The following FHIT variants were observed in gnomAD, a reference collection of about 807,000 sequenced individuals.
FHIT encodes the protein bis(5'-adenosyl)-triphosphatase.
In FHIT, 19 loss-of-function variants were observed where a neutral mutation model predicts 17.9. The ratio of observed to expected loss-of-function variants is 1.06; its 90% confidence interval spans 0.74 to 1.56. The LOEUF (loss-of-function observed/expected upper bound fraction) is 1.56. FHIT is among the 40% of genes most tolerant of loss of function. The pLI is 0.00. For missense variants in FHIT, 248 were observed against 189.2 expected (o/e 1.31, Z -1.82); for synonymous variants, 81 against 69.7 (o/e 1.16, Z -0.81).
chr3:61,160,374 T>G (rs987917931), intron 2 of FHIT, among the ~76,000 whole-genome samples: 3 of 152,180 alleles, frequency 2.0e-5, no homozygotes, highest in African/African-American at 7.2e-5. Flanking sequence ...AATAAATGTA[T>G]TTGTTTCTTT....
chr3:60,722,321 T>C (rs1157893563), intron 4 of FHIT, among the ~76,000 whole-genome samples: 5 of 152,226 alleles, frequency 3.3e-5, no homozygotes, highest in African/African-American at 1.2e-4. Context: ...GGAGAATTTC[T>C]CATTTTCAGG....
chr3:60,718,174 T>C (rs1324452877), intron 4 of FHIT, among the ~76,000 whole-genome samples: 2 of 150,850 alleles, frequency 1.3e-5, no homozygotes, highest in Non-Finnish European at 2.9e-5. Context: ...TTTTATCTTA[T>C]GCAAGATTCT....
intron 3 of FHIT, among the ~76,000 whole-genome samples, chr3:60,955,609 T>TATATATACATATATATATATATAC (rs1559862241): frequency 0.057 from 522 of 9,112 alleles, 29 homozygotes; most frequent in African/African-American, 0.085. Flanking sequence ...TATATATATA[T>TATATATACATATATATATATATAC]ATATATATAT....
chr3:59,963,177 G>A (rs190654767), intron 7 of FHIT, among the ~76,000 whole-genome samples: 1,568 of 152,134 alleles, frequency 0.01, 32 homozygotes, highest in African/African-American at 0.036. Context: ...TGAGGCAGCA[G>A]AATGGCGTGA....
At chr3:59,960,927 G>A (rs114962333) in intron 7 of FHIT, among the ~76,000 whole-genome samples, 41 of 152,260 alleles carry the variant, frequency 2.7e-4, no homozygotes, top group Admixed American at 8.5e-4. Context: ...TCCTGACAGC[G>A]AACCCAGCAA....
At chr3:60,664,310 A>G (rs2040331654) in intron 4 of FHIT, among the ~76,000 whole-genome samples, 1 of 152,056 alleles carries the variant, frequency 6.6e-6, no homozygotes, top group Admixed American at 6.5e-5. Context: ...AACCTTACAT[A>G]CCTGGCATAT....
intron 5 of FHIT, among the ~76,000 whole-genome samples, chr3:60,223,089 C>A (rs17062510): frequency 0.3 from 45,285 of 151,942 alleles, 7,004 homozygotes; most frequent in African/African-American, 0.36. Flanking sequence ...TCTCCTCCAA[C>A]ATTTGGGAAA....
Position 60,536,982 on chromosome 3 carries a change from A to G in FHIT, c.-17-3T>C, listed in dbSNP as rs1044510802. ...CGACATGTCCTCACAGTTGAAGTCT[A>G]AAAGAAAAGACAATGGATAGTTATA... On this transcript the variant is annotated splice_region_variant and splice_polypyrimidine_tract_variant and intron_variant, in intron 4 of 9. Transcript: ENST00000492590. 14 of 1,595,788 alleles carry G rather than the reference A, an allele frequency of 8.8e-6. No individual in the cohort carries two copies. Among genetic ancestry groups the G allele is most frequent in the Middle Eastern group, 1.7e-4 (1 of 5,972 alleles).
intron 8 of FHIT, among the ~76,000 whole-genome samples, chr3:59,799,798 T>C (rs983351046): frequency 6.6e-6 from 1 of 152,180 alleles, no homozygotes; most frequent in Admixed American, 6.5e-5. Flanking sequence ...TATCAGAAAA[T>C]TGATCTATAA....
intron 8 of FHIT, among the ~76,000 whole-genome samples, chr3:59,854,982 A>G (rs978412231): frequency 3.9e-5 from 6 of 152,196 alleles, no homozygotes; most frequent in African/African-American, 1.4e-4. Context: ...TGATTACTAA[A>G]AAGACTTTGG....
intron 3 of FHIT, among the ~76,000 whole-genome samples, chr3:60,929,490 A>G (rs1312650263): frequency 6.6e-6 from 1 of 152,212 alleles, no homozygotes; most frequent in African/African-American, 2.4e-5. Flanking sequence ...AATCTCCTTA[A>G]GCTGATAGGC....
Position 61,073,707 on chromosome 3 carries a change from G to A in FHIT, c.-163-31608C>T, listed in dbSNP as rs183325699. ...TAGCCATCCCAGAATGTTGCACTCA[G>A]TAAGAAGGGCTAACAGTGTCCTGCT... is the stretch of plus-strand genomic sequence containing the variant. On this transcript the variant is annotated intron_variant, in intron 2 of 9. Transcript: ENST00000492590. Among the ~76,000 whole-genome samples, 264 of 152,244 alleles carry A rather than the reference G, an allele frequency of 1.7e-3. 1 individual carries two copies. Among genetic ancestry groups the A allele is most frequent in the Middle Eastern group, 3.4e-3 (1 of 294 alleles).
rs1447074971 is a variant in FHIT at position 61,011,975 on chromosome 3, C to T, written c.-111+30072G>A. On this transcript the variant is annotated intron_variant, in intron 3 of 9. Coordinates refer to ENST00000492590, the MANE Select transcript of FHIT (RefSeq NM_002012.4). The stretch of plus-strand genomic sequence containing the variant: ...CAAGTTGAAAGAAAGTAGGCCTGAC[C>T]TAGCTGATTGATTCAGCAAATAAGT... Among the ~76,000 whole-genome samples, 3 of 152,238 alleles carry T rather than the reference C, an allele frequency of 2.0e-5. No individual in the cohort carries two copies. In the East Asian group the frequency reaches 5.8e-4, roughly 29 times the overall value.
chr3:60,705,702 A>G (rs2107920836), intron 4 of FHIT, among the ~76,000 whole-genome samples: 1 of 152,296 alleles, frequency 6.6e-6, no homozygotes, highest in African/African-American at 2.4e-5. Flanking sequence ...GTGTATACAC[A>G]TATACACAAA....
At chr3:60,887,658 C>CA (rs1277435630) in intron 3 of FHIT, among the ~76,000 whole-genome samples, 17 of 149,904 alleles carry the variant, frequency 1.1e-4, no homozygotes, top group African/African-American at 2.2e-4. Context: ...AAACAAAAAA[C>CA]AAAAAAAAAG....
At chr3:60,258,858 T>C (rs77024979) in intron 5 of FHIT, among the ~76,000 whole-genome samples, 12,571 of 152,134 alleles carry the variant, frequency 0.083, 738 homozygotes, top group Non-Finnish European at 0.12. Context: ...GTTTGCTAAA[T>C]CTTCTTTGTG....
intron 3 of FHIT, among the ~76,000 whole-genome samples, chr3:60,837,920 A>C (rs2106847429): frequency 6.6e-6 from 1 of 152,258 alleles, no homozygotes; most frequent in South Asian, 2.1e-4. Context: ...CATTTATAAT[A>C]TAATTATTTT....
chr3:60,884,531 C>T (rs556317063), intron 3 of FHIT, among the ~76,000 whole-genome samples: 17 of 152,000 alleles, frequency 1.1e-4, no homozygotes, highest in South Asian at 2.1e-4. Context: ...AATACTATTC[C>T]GCTTATTTTA....
chr3:60,819,026 C>CTTTTT (rs1701833333), intron 4 of FHIT, among the ~76,000 whole-genome samples: 1 of 143,888 alleles, frequency 6.9e-6, no homozygotes, highest in Non-Finnish European at 1.5e-5. Flanking sequence ...TTTTTCTTTT[C>CTTTTT]TTTTTTCTTT....
Sources: allele counts gnomAD v4.1 joint callset (sites outside exome capture counted in the v4.1 genomes callset), GRCh38; gene constraint gnomAD v4.1.1; transcripts MANE v1.5; gene names NCBI Gene and HGNC (gene_info 2026-07-23, HGNC 2026-07-21).